The following MOSMO variants were observed in gnomAD, a reference collection of about 807,000 sequenced individuals.
MOSMO encodes modulator of smoothened protein.
Under a neutral mutation model 18.4 loss-of-function variants are expected in MOSMO, and 5 were observed. The observed-to-expected ratio is 0.27, with a 90% CI of 0.14 to 0.57. The LOEUF is 0.57. MOSMO is among the 20% of genes least tolerant of loss of function. The probability of loss-of-function intolerance (pLI) is 0.92; values close to 1 mark genes in which losing one functional copy is unlikely to be tolerated. For synonymous variants in MOSMO, 82 were observed against 82.3 expected (o/e 1.00, Z 0.02); for missense variants, 138 against 211.8 (o/e 0.65, Z 2.16).
intron 1 of MOSMO, among the ~76,000 whole-genome samples, chr16:22,009,111 A>G (rs1460370284): frequency 6.6e-6 from 1 of 152,162 alleles, no homozygotes; most frequent in Non-Finnish European, 1.5e-5. Context: ...ATGTTTGAGA[A>G]GCTTGTGGCT....
chr16:22,068,904 A>G (rs896016195), intron 1 of MOSMO, among the ~76,000 whole-genome samples: 4 of 152,162 alleles, frequency 2.6e-5, no homozygotes, highest in Non-Finnish European at 4.4e-5. Context: ...TTCAATTCTG[A>G]CACTAATCAC....
chr16:22,074,955 A>G (rs565850777), intron 1 of MOSMO, among the ~76,000 whole-genome samples: 3 of 152,328 alleles, frequency 2.0e-5, no homozygotes, highest in African/African-American at 7.2e-5. Context: ...TATACCTTTC[A>G]TAAACATATT....
At chr16:22,053,905 G>C (rs548422182) in intron 1 of MOSMO, among the ~76,000 whole-genome samples, 18 of 152,194 alleles carry the variant, frequency 1.2e-4, no homozygotes, top group Non-Finnish European at 2.4e-4. Context: ...TACTCTTTTT[G>C]TCTTTGAATT....
downstream of MOSMO, among the ~76,000 whole-genome samples, chr16:22,087,948 A>G (rs1031003405): frequency 2.4e-4 from 37 of 152,206 alleles, no homozygotes; most frequent in African/African-American, 8.4e-4. Flanking sequence ...TCCAGAGATA[A>G]CCATTGTTAA....
In MOSMO at chr16:22,081,267, A is replaced by G. The variant is rs1347160794; in HGVS notation, c.*387A>G. On this transcript the variant is annotated 3_prime_UTR_variant, in exon 3 of 3. Coordinates refer to ENST00000542527, the MANE Select transcript of MOSMO (RefSeq NM_001164579.2). ...CTAATGATTCATTAGAGGAAAAAAA[A>G]AAGTCTAAGTATTTATGTGTCATGG... 1 of 152,458 alleles carries G rather than the reference A, an allele frequency of 6.6e-6. No homozygotes were observed. Among genetic ancestry groups the G allele is most frequent in the Non-Finnish European group, 1.5e-5 (1 of 68,316 alleles). 9.4% of individuals were successfully genotyped at this position (152,458 alleles called of 1,614,324 possible).
Position 22,032,339 on chromosome 16 carries a change from T to C in MOSMO, c.106+23932T>C, listed in dbSNP as rs118076401. Among the ~76,000 whole-genome samples, 309 of 152,096 alleles carry C rather than the reference T, an allele frequency of 2.0e-3. 10 individuals carry two copies. In the East Asian group the frequency reaches 0.056, roughly 27 times the overall value. ...CGGAGTAGGTGGGATTACAGGTGCATGCCACCATGTCCAAGCTAATTTTTG... is the reference window on the plus strand; with the variant it reads ...CGGAGTAGGTGGGATTACAGGTGCACGCCACCATGTCCAAGCTAATTTTTG... On this transcript the variant is annotated intron_variant, in intron 1 of 2. Coordinates refer to ENST00000542527, the MANE Select transcript of MOSMO (RefSeq NM_001164579.2).
intron 1 of MOSMO, among the ~76,000 whole-genome samples, chr16:22,015,331 C>T (rs1336197369): frequency 4.6e-5 from 7 of 152,104 alleles, no homozygotes. Flanking sequence ...CCTCCAGCCT[C>T]AGCCTCCCAA....
chr16:22,058,464 A>T (rs1900581896), intron 1 of MOSMO, among the ~76,000 whole-genome samples: 1 of 151,796 alleles, frequency 6.6e-6, no homozygotes, highest in African/African-American at 2.4e-5. Flanking sequence ...ATTGCTTTGC[A>T]GTATGAAGAA....
At chr16:22,029,161 C>T (rs984869433) in intron 1 of MOSMO, among the ~76,000 whole-genome samples, 9 of 152,128 alleles carry the variant, frequency 5.9e-5, no homozygotes, top group Non-Finnish European at 7.3e-5. Context: ...TGAGCCACCA[C>T]GCCTGGCTAT....
At chr16:22,020,296 T>C (rs186182209) in intron 1 of MOSMO, among the ~76,000 whole-genome samples, 5 of 146,880 alleles carry the variant, frequency 3.4e-5, no homozygotes, top group African/African-American at 1.2e-4. Flanking sequence ...CTTTAATTTT[T>C]TTTTTTTTTT....
Position 22,079,759 on chromosome 16 carries a change from A to G in MOSMO, c.320-937A>G, listed in dbSNP as rs201230377. On this transcript the variant is annotated intron_variant, in intron 2 of 2. Coordinates refer to ENST00000542527, the MANE Select transcript of MOSMO (RefSeq NM_001164579.2). The stretch of plus-strand genomic sequence containing the variant: ...ATCCCAGAGATCTGAGGTTATTTCT[A>G]CTAGCTGGTTTTATTTTATTTTTAT... Among the ~76,000 whole-genome samples, 179 of 152,182 alleles carry G rather than the reference A, an allele frequency of 1.2e-3. 1 individual carries two copies. Among genetic ancestry groups the G allele is most frequent in the Non-Finnish European group, 2.2e-3 (148 of 67,984 alleles).
intron 1 of MOSMO, 58 bp downstream of exon 1, chr16:22,008,465 G>T: frequency 8.9e-7 from 1 of 1,128,170 alleles, no homozygotes; most frequent in Non-Finnish European, 1.2e-6. Context: ...CGCGAGAGAG[G>T]GGAGACCCGG....
intron 1 of MOSMO, among the ~76,000 whole-genome samples, chr16:22,015,036 G>A (rs1178317351): frequency 6.6e-6 from 1 of 151,988 alleles, no homozygotes; most frequent in Non-Finnish European, 1.5e-5. Context: ...TCTTCATAAA[G>A]TTGTGTGCTA....
At chr16:22,020,941 T>C (rs779448216) in intron 1 of MOSMO, among the ~76,000 whole-genome samples, 36 of 152,212 alleles carry the variant, frequency 2.4e-4, no homozygotes, top group Non-Finnish European at 3.8e-4. Context: ...ATTACGGAGA[T>C]TGTATGTGTA....
intron 1 of MOSMO, among the ~76,000 whole-genome samples, chr16:22,009,252 G>A (rs1238512337): frequency 6.6e-6 from 1 of 152,184 alleles, no homozygotes; most frequent in African/African-American, 2.4e-5. Context: ...CAAAAACGCT[G>A]GAGAGCTCTT....
chr16:22,051,840 C>G (rs1900433508), intron 1 of MOSMO, among the ~76,000 whole-genome samples: 2 of 152,106 alleles, frequency 1.3e-5, no homozygotes, highest in African/African-American at 4.8e-5. Context: ...GGATCTGATA[C>G]TATCTCCAGG....
At chr16:22,065,991 A>G (rs553082474) in intron 1 of MOSMO, among the ~76,000 whole-genome samples, 1 of 152,356 alleles carries the variant, frequency 6.6e-6, no homozygotes, top group South Asian at 2.1e-4. Context: ...AATTGCCTGT[A>G]TTTGGGTAAG....
At chr16:22,009,401 A>G (rs1249958138) in intron 1 of MOSMO, among the ~76,000 whole-genome samples, 3 of 151,988 alleles carry the variant, frequency 2.0e-5, no homozygotes, top group Non-Finnish European at 4.4e-5. Context: ...CATCTTTCTG[A>G]AGGGTACCCC....
chr16:22,047,093 A>G (rs1280089685), intron 1 of MOSMO, among the ~76,000 whole-genome samples: 1 of 151,970 alleles, frequency 6.6e-6, no homozygotes, highest in Non-Finnish European at 1.5e-5. Context: ...GTGGACTTAC[A>G]GAAATATATA....
Sources: gnomAD v4.1 joint callset for allele counts (sites outside exome capture counted in the v4.1 genomes callset) on GRCh38, gnomAD v4.1.1 for gene constraint, MANE v1.5 for transcripts, NCBI Gene and HGNC (gene_info 2026-07-23, HGNC 2026-07-21) for gene names.